CHMP4B: variants seen among roughly 807,000 people sequenced by gnomAD.
The protein encoded by CHMP4B is SNF7 homolog associated with Alix 1.
Under a neutral mutation model 25.1 loss-of-function variants are expected in CHMP4B, and 1 was observed. The observed-to-expected ratio is 0.04, with a 90% CI of 0.01 to 0.19. CHMP4B has a LOEUF of 0.19. Among genes scored for constraint, CHMP4B ranks in the 10% least tolerant of loss-of-function variants. CHMP4B has a pLI of 1.00. For synonymous variants in CHMP4B, 101 were observed against 115.6 expected, an observed-to-expected ratio of 0.87 and a Z score of 0.81; for missense variants, 151 against 289.7, an observed-to-expected ratio of 0.52 and a Z score of 3.48.
intron 1 of CHMP4B, among the ~76,000 whole-genome samples, chr20:33,839,755 T>C (rs1465720710): frequency 1.3e-5 from 2 of 152,146 alleles, no homozygotes; most frequent in African/African-American, 4.8e-5. Flanking sequence ...GGGTAGACGC[T>C]CTTCTGCAAA....
Position 33,852,162 on chromosome 20 carries a change from C to T in CHMP4B, c.569C>T (p.Pro190Leu), listed in dbSNP as rs1445273301. ...LLEISGPETV[P>L]LPNVPSIALP... Reference sequence around the variant, plus strand: ...GAAATCAGTGGACCCGAAACAGTCCCTCTACCAAATGTTCCCTCTATAGCC... The same window carrying T: ...GAAATCAGTGGACCCGAAACAGTCCTTCTACCAAATGTTCCCTCTATAGCC... The change falls in exon 4 of 5, where the codon CCT becomes CTT. Residue 190 changes from proline to leucine, a missense_variant. Physicochemically the swap from Pro to Leu is moderately conservative, Grantham distance 98 (BLOSUM62 -3). Transcript: ENST00000217402. 3.1e-6 allele frequency: 5 copies of T among 1,614,232 alleles called. No individual in the cohort carries two copies. The highest frequency in any genetic ancestry group is 2.2e-5 in the East Asian group (1 of 44,892).
intron 1 of CHMP4B, among the ~76,000 whole-genome samples, chr20:33,813,971 T>A (rs1978713465): frequency 1.3e-5 from 2 of 152,200 alleles, no homozygotes; most frequent in African/African-American, 2.4e-5. Flanking sequence ...GACCTCATGA[T>A]CTGCCTGCCT....
intron 1 of CHMP4B, among the ~76,000 whole-genome samples, chr20:33,829,766 G>A (rs537953467): frequency 9.5e-4 from 145 of 152,300 alleles, no homozygotes; most frequent in Non-Finnish European, 1.7e-3. Flanking sequence ...GAGAGTCTCC[G>A]GAGATAGTTT....
chr20:33,819,379 G>A (rs1385222027), intron 1 of CHMP4B, among the ~76,000 whole-genome samples: 2 of 152,218 alleles, frequency 1.3e-5, no homozygotes, highest in African/African-American at 2.4e-5. Context: ...CTGAGACAGG[G>A]AAAAGTGATC....
chr20:33,820,272 G>A (rs534679704), intron 1 of CHMP4B, among the ~76,000 whole-genome samples: 2 of 152,296 alleles, frequency 1.3e-5, no homozygotes, highest in East Asian at 1.9e-4. Context: ...TCCTCAGGTG[G>A]TTTGTATGCC....
chr20:33,835,960 GC>G (rs2034102543), intron 1 of CHMP4B, among the ~76,000 whole-genome samples: 1 of 152,122 alleles, frequency 6.6e-6, no homozygotes, highest in Non-Finnish European at 1.5e-5. Flanking sequence ...TGAGGGATCC[GC>G]CCCCATGATC....
At chr20:33,820,751 A>G (rs1978916571) in intron 1 of CHMP4B, among the ~76,000 whole-genome samples, 1 of 152,192 alleles carries the variant, frequency 6.6e-6, no homozygotes, top group Non-Finnish European at 1.5e-5. Flanking sequence ...AGCAGAAAGG[A>G]ACTCAAAATG....
intron 1 of CHMP4B, among the ~76,000 whole-genome samples, chr20:33,823,499 G>C (rs1232819504): frequency 1.3e-5 from 2 of 152,152 alleles, no homozygotes; most frequent in East Asian, 1.9e-4. Context: ...GGCCTCCTGA[G>C]TAGCTAGAAC....
At chr20:33,844,021 C>T (rs372730201) in intron 1 of CHMP4B, among the ~76,000 whole-genome samples, 3 of 152,166 alleles carry the variant, frequency 2.0e-5, no homozygotes, top group African/African-American at 7.2e-5. Context: ...GAGTTCACTG[C>T]GAAGAGGGGA....
chr20:33,829,535 G>A (rs1309540189), intron 1 of CHMP4B, among the ~76,000 whole-genome samples: 3 of 152,160 alleles, frequency 2.0e-5, no homozygotes, highest in African/African-American at 7.2e-5. Context: ...ATTAATTTTG[G>A]CCTGAATTTC....
At chr20:33,850,614 C>A (rs1979819848) in intron 2 of CHMP4B, among the ~76,000 whole-genome samples, 1 of 152,188 alleles carries the variant, frequency 6.6e-6, no homozygotes, top group Admixed American at 6.5e-5. Context: ...TACAGAGTTA[C>A]CCTTGGACTT....
Position 33,811,477 on chromosome 20 carries a change from G to A in CHMP4B, c.9G>A (p.Val3=), listed in dbSNP as rs1185657285. The change falls in exon 1 of 5, where the codon GTG becomes GTA. Residue 3 remains valine (V), a synonymous_variant. Transcript: ENST00000217402. MS[V]FGKLFGAGGG... is the part of the protein sequence containing the mutation. ...CGCGGCGAGCAGCAACCATGTCGGT[G>A]TTCGGGAAGCTGTTCGGGGCTGGAG... The A allele has an allele frequency of 1.3e-6, 2 of 1,563,032 alleles. No homozygotes were observed. Among genetic ancestry groups the A allele is most frequent in the Non-Finnish European group, 1.7e-6 (2 of 1,152,126 alleles).
At chr20:33,830,933 G>GTTTTTGTTTTTTTTT (rs1979223468) in intron 1 of CHMP4B, among the ~76,000 whole-genome samples, 1 of 102,524 alleles carries the variant, frequency 9.8e-6, no homozygotes, top group Non-Finnish European at 1.9e-5. Flanking sequence ...AAGGAACAGA[G>GTTTTTGTTTTTTTTT]TTTTTTTTTT....
At chr20:33,812,181 G>A (rs1161463071) in intron 1 of CHMP4B, among the ~76,000 whole-genome samples, 1 of 152,202 alleles carries the variant, frequency 6.6e-6, no homozygotes, top group African/African-American at 2.4e-5. Flanking sequence ...AGGGGACTGG[G>A]GGAGATGAGA....
At chr20:33,812,447 G>C (rs980798618) in intron 1 of CHMP4B, among the ~76,000 whole-genome samples, 1 of 152,152 alleles carries the variant, frequency 6.6e-6, no homozygotes, top group African/African-American at 2.4e-5. Context: ...CTGCTCCCCA[G>C]TCCCCACTAC....
intron 1 of CHMP4B, among the ~76,000 whole-genome samples, chr20:33,824,791 A>G (rs1013604878): frequency 3.4e-5 from 5 of 148,932 alleles, no homozygotes; most frequent in African/African-American, 9.9e-5. Context: ...CTCCCCATCC[A>G]GTTGTGACAA....
chr20:33,828,665 G>A lies in CHMP4B; in HGVS notation c.190+17007G>A, dbSNP rs561703737. 1.1e-4 allele frequency among the ~76,000 whole-genome samples: 17 copies of A among 152,104 alleles called. No homozygotes were observed. In the South Asian group the frequency reaches 3.3e-3, roughly 30 times the overall value. ...AGGGATCAGAATAATTCCTACTTTC[G>A]GCTCATTTTACAGGACTCTGGGGAG... On this transcript the variant is annotated intron_variant, in intron 1 of 4. Coordinates refer to ENST00000217402, the MANE Select transcript of CHMP4B (RefSeq NM_176812.5).
chr20:33,813,314 C>G (rs1436754658), intron 1 of CHMP4B, among the ~76,000 whole-genome samples: 1 of 152,080 alleles, frequency 6.6e-6, no homozygotes, highest in Non-Finnish European at 1.5e-5. Flanking sequence ...GGACTTTGAA[C>G]CTGTTGGTGA....
intron 1 of CHMP4B, among the ~76,000 whole-genome samples, chr20:33,820,672 T>C (rs1160851839): frequency 6.6e-6 from 1 of 151,702 alleles, no homozygotes; most frequent in East Asian, 1.9e-4. Context: ...AACAACTTCA[T>C]TGTGGGGGGT....
Sources: allele counts gnomAD v4.1 joint callset (sites outside exome capture counted in the v4.1 genomes callset), GRCh38; gene constraint gnomAD v4.1.1; transcripts MANE v1.5; gene names NCBI Gene and HGNC (gene_info 2026-07-23, HGNC 2026-07-21).